Variants in TRPC7 observed in about 807,000 individuals in gnomAD.
The protein encoded by TRPC7 is short transient receptor potential channel 7.
A neutral mutation model predicts 90.1 loss-of-function variants in TRPC7; 42 were observed. The ratio of observed to expected loss-of-function variants is 0.47; its 90% CI spans 0.36 to 0.60. The LOEUF is 0.60. Among genes scored for constraint, TRPC7 ranks in the 20% least tolerant of loss-of-function variants. The pLI is 0.00. For missense variants in TRPC7, 955 were observed against 1,112.3 expected, an observed-to-expected ratio of 0.86 and a Z score of 2.01; for synonymous variants, 451 against 436.3, an observed-to-expected ratio of 1.03 and a Z score of -0.42.
intron 2 of TRPC7, among the ~76,000 whole-genome samples, chr5:136,348,994 T>C (rs1262170696): frequency 6.6e-6 from 1 of 152,250 alleles, no homozygotes; most frequent in African/African-American, 2.4e-5. Context: ...ATATCTCTGA[T>C]ATTTCAGACT....
intron 2 of TRPC7, among the ~76,000 whole-genome samples, chr5:136,353,044 T>C (rs1760250646): frequency 6.6e-6 from 1 of 152,250 alleles, no homozygotes; most frequent in Non-Finnish European, 1.5e-5. Flanking sequence ...CACTAGTTTA[T>C]TGGGTACCAC....
At chr5:136,301,886 C>T (rs1391237124) in intron 3 of TRPC7, among the ~76,000 whole-genome samples, 1 of 152,172 alleles carries the variant, frequency 6.6e-6, no homozygotes, top group African/African-American at 2.4e-5. Context: ...ATCAATCCCC[C>T]GTCTTCCTGC....
intron 3 of TRPC7, among the ~76,000 whole-genome samples, chr5:136,299,002 C>A (rs1472510485): frequency 6.6e-6 from 1 of 151,610 alleles, no homozygotes; most frequent in Non-Finnish European, 1.5e-5. Flanking sequence ...GATCTGATTA[C>A]TTAAAAAAAA....
chr5:136,230,566 A>G (rs1374694626), intron 8 of TRPC7, among the ~76,000 whole-genome samples: 1 of 152,300 alleles, frequency 6.6e-6, no homozygotes, highest in Admixed American at 6.5e-5. Context: ...TCCTTCTTAA[A>G]ATAGAATTGC....
chr5:136,289,987 T>A (rs1199428167), intron 3 of TRPC7, among the ~76,000 whole-genome samples: 19 of 152,162 alleles, frequency 1.2e-4, no homozygotes, highest in Admixed American at 1.2e-3. Flanking sequence ...GGTTCACCAA[T>A]ATCAGCTGTT....
chr5:136,252,994 T>C (rs530823207), intron 5 of TRPC7, among the ~76,000 whole-genome samples: 77 of 152,362 alleles, frequency 5.1e-4, no homozygotes, highest in African/African-American at 1.9e-3. Flanking sequence ...ACCAATCATA[T>C]GTGGATACTG....
At position 136,231,566 on chromosome 5, in the gene TRPC7, G is replaced by A. The variant is rs749758948; in HGVS notation, c.1845-17C>T. The A allele has an allele frequency of 1.0e-5, 16 of 1,572,086 alleles. No homozygotes were observed. The East Asian group carries it at 2.1e-4, about 20-fold the overall frequency. On this transcript the variant is annotated splice_polypyrimidine_tract_variant and intron_variant, in intron 7 of 11. Coordinates refer to ENST00000513104, the MANE Select transcript of TRPC7 (RefSeq NM_020389.3). Reference sequence around the variant, plus strand: ...TCTTCAACCCTGCAAAGAAACAGACGGTCCTTTTACGCAGTTTGCATCAGC... The same window carrying A: ...TCTTCAACCCTGCAAAGAAACAGACAGTCCTTTTACGCAGTTTGCATCAGC...
intron 2 of TRPC7, among the ~76,000 whole-genome samples, chr5:136,345,856 C>A (rs1011091939): frequency 3.9e-5 from 6 of 151,934 alleles, no homozygotes; most frequent in African/African-American, 1.5e-4. Flanking sequence ...GTCTTTAATC[C>A]ATCTTGAATT....
At chr5:136,308,537 T>C (rs991402970) in intron 3 of TRPC7, among the ~76,000 whole-genome samples, 2 of 152,212 alleles carry the variant, frequency 1.3e-5, no homozygotes, top group African/African-American at 4.8e-5. Context: ...CTCTCAGACA[T>C]CCTCTAGAAA....
chr5:136,329,294 A>G (rs910082603), intron 2 of TRPC7, among the ~76,000 whole-genome samples: 14 of 152,188 alleles, frequency 9.2e-5, no homozygotes, highest in African/African-American at 3.4e-4. Context: ...AATTCAGCAG[A>G]CATATTTGGG....
chr5:136,322,372 G>A (rs1249190612), intron 2 of TRPC7, among the ~76,000 whole-genome samples: 1 of 152,142 alleles, frequency 6.6e-6, no homozygotes, highest in African/African-American at 2.4e-5. Context: ...TAGGGTAAAT[G>A]CCTAGGAGCG....
At chr5:136,240,217 T>C (rs1213682325) in intron 7 of TRPC7, among the ~76,000 whole-genome samples, 1 of 152,152 alleles carries the variant, frequency 6.6e-6, no homozygotes, top group Non-Finnish European at 1.5e-5. Flanking sequence ...AAACTCTCTG[T>C]TTAGAGCCAC....
intron 2 of TRPC7, among the ~76,000 whole-genome samples, chr5:136,343,661 T>C (rs1432758999): frequency 1.3e-5 from 2 of 152,214 alleles, no homozygotes; most frequent in Non-Finnish European, 2.9e-5. Context: ...AGCATCCATG[T>C]CATGTAAAAC....
chr5:136,277,501 AT>A (rs145859430), intron 3 of TRPC7, among the ~76,000 whole-genome samples: 1,991 of 152,190 alleles, frequency 0.013, 33 homozygotes, highest in African/African-American at 0.046. Context: ...GTATCAAAAG[AT>A]TTTTTTCCCA....
At chr5:136,340,791 C>T (rs550653702) in intron 2 of TRPC7, among the ~76,000 whole-genome samples, 7 of 151,698 alleles carry the variant, frequency 4.6e-5, no homozygotes, top group Non-Finnish European at 8.8e-5. Flanking sequence ...ACAGTAAAAA[C>T]AGTAATGAGC....
chr5:136,299,117 C>T (rs922139894), intron 3 of TRPC7, among the ~76,000 whole-genome samples: 3 of 151,890 alleles, frequency 2.0e-5, no homozygotes, highest in Admixed American at 1.3e-4. Context: ...GCCTCACCAA[C>T]GTGGAGAAAC....
At chr5:136,218,364 T>C (rs1163927154) in intron 10 of TRPC7, among the ~76,000 whole-genome samples, 7 of 152,018 alleles carry the variant, frequency 4.6e-5, no homozygotes, top group Admixed American at 3.9e-4. Context: ...TCATTCTTGC[T>C]GAATAAGAAA....
In TRPC7 at chr5:136,265,750, A is replaced by C. The variant is rs139053190; in HGVS notation, c.1345+470T>G. On this transcript the variant is annotated intron_variant, in intron 5 of 11. Transcript: ENST00000513104. ...ACACCCACTTACACAAATAACAAGA[A>C]AATGTTACTCCCGTGAATTTTTAGA... Among the ~76,000 whole-genome samples, 255 of 152,264 alleles carry C rather than the reference A, an allele frequency of 1.7e-3. 3 individuals are homozygous for C. The highest frequency in any genetic ancestry group is 5.8e-3 in the African/African-American group (243 of 41,548).
chr5:136,297,484 T>C (rs1167725555), intron 3 of TRPC7, among the ~76,000 whole-genome samples: 1 of 152,122 alleles, frequency 6.6e-6, no homozygotes, highest in Non-Finnish European at 1.5e-5. Flanking sequence ...TGCACAAATA[T>C]ACATATATAT....
Sources: allele counts gnomAD v4.1 joint callset (sites outside exome capture counted in the v4.1 genomes callset), GRCh38; gene constraint gnomAD v4.1.1; transcripts MANE v1.5; gene names NCBI Gene and HGNC (gene_info 2026-07-23, HGNC 2026-07-21).